BCO1: variants seen among roughly 807,000 people sequenced by gnomAD.
The protein encoded by BCO1 is beta-carotene oxygenase 1.
BCO1 carries 54 observed loss-of-function variants against 56.3 expected under a neutral mutation model. The observed-to-expected ratio is 0.96, with a 90% CI of 0.77 to 1.20. The LOEUF (loss-of-function observed/expected upper bound fraction) is 1.20, where lower values mean the gene tolerates loss of function less well. Among genes scored for constraint, BCO1 ranks in the 50% most tolerant of loss-of-function variants. The probability of loss-of-function intolerance (pLI) is 0.00; values close to 1 mark genes in which losing one functional copy is unlikely to be tolerated. For synonymous variants in BCO1, 318 were observed against 266.1 expected (o/e 1.20, Z -1.90); for missense variants, 801 against 690.9 (o/e 1.16, Z -1.79).
chr16:81,268,988 A>G (rs1338780726), intron 6 of BCO1, among the ~76,000 whole-genome samples: 4 of 150,738 alleles, frequency 2.7e-5, no homozygotes, highest in Non-Finnish European at 4.4e-5. Context: ...GCTAGCCTCA[A>G]ACTCTGGACT....
chr16:81,267,932 C>G lies in BCO1; in HGVS notation c.644C>G (p.Pro215Arg). ...VPEGKKQGKS[P>R]WKHTEVFCSI... The stretch of plus-strand genomic sequence containing the variant: ...GAGGGCAAGAAGCAGGGGAAGAGCC[C>G]CTGGAAGCACACAGAGGTGTTCTGC... Residue 215 changes from proline to arginine, a missense_variant, in exon 6 of 11, where the codon CCC (proline) becomes CGC (arginine). Coordinates refer to ENST00000258168, the MANE Select transcript of BCO1 (RefSeq NM_017429.3). The G allele has an allele frequency of 1.2e-6, 2 of 1,613,762 alleles. No individual in the cohort carries two copies. Among genetic ancestry groups the G allele is most frequent in the African/African-American group, 1.3e-5 (1 of 74,950 alleles).
At chr16:81,269,981 C>G (rs1310967726) in intron 6 of BCO1, among the ~76,000 whole-genome samples, 178 bp from the exon 7 acceptor site, 1 of 152,184 alleles carries the variant, frequency 6.6e-6, no homozygotes, top group African/African-American at 2.4e-5. Context: ...CAATAAACAG[C>G]TCTCATTTTG....
intron 4 of BCO1, 109 bp from the exon 5 acceptor site, chr16:81,264,531 C>A: frequency 3.0e-6 from 4 of 1,316,338 alleles, no homozygotes; most frequent in Non-Finnish European, 4.4e-6. Flanking sequence ...GAATCAGTCA[C>A]GTTTTCATAG....
intron 1 of BCO1, among the ~76,000 whole-genome samples, chr16:81,243,355 C>T (rs1905223707): frequency 6.6e-6 from 1 of 152,124 alleles, no homozygotes; most frequent in African/African-American, 2.4e-5. Flanking sequence ...ACCTTTGTCC[C>T]CTGGCCCCCG....
At chr16:81,285,319 ACCTTG>A (rs1908114318) in intron 8 of BCO1, among the ~76,000 whole-genome samples, 1 of 152,226 alleles carries the variant, frequency 6.6e-6, no homozygotes, top group Non-Finnish European at 1.5e-5. Flanking sequence ...GGTCTGGAGT[ACCTTG>A]CTCCTGGACT....
intron 2 of BCO1, among the ~76,000 whole-genome samples, chr16:81,251,881 T>TGTGTGTGTGTGC (rs1486164837): frequency 6.6e-6 from 1 of 150,444 alleles, no homozygotes; most frequent in African/African-American, 2.5e-5. Context: ...TATATGTGTG[T>TGTGTGTGTGTGC]GTGTGTGTGT....
intron 4 of BCO1, 29 bp from the exon 5 acceptor site, chr16:81,264,611 T>A: frequency 1.9e-6 from 3 of 1,612,812 alleles, no homozygotes; most frequent in Non-Finnish European, 2.5e-6. Flanking sequence ...GTAAATACTT[T>A]AAAAAACAGG....
chr16:81,247,365 AT>A (rs1482782052), intron 2 of BCO1, among the ~76,000 whole-genome samples: 1 of 152,104 alleles, frequency 6.6e-6, no homozygotes, highest in East Asian at 1.9e-4. Context: ...TGCTTAAGAG[AT>A]TAAAAATCAC....
At chr16:81,265,819 C>T (rs1476992305) in intron 5 of BCO1, among the ~76,000 whole-genome samples, 2 of 98,522 alleles carry the variant, frequency 2.0e-5, no homozygotes, top group African/African-American at 4.3e-5. Flanking sequence ...CCTGCCCATC[C>T]ATCCATCATT....
chr16:81,257,212 C>T (rs949698316), intron 2 of BCO1, among the ~76,000 whole-genome samples: 5 of 152,230 alleles, frequency 3.3e-5, no homozygotes, highest in Non-Finnish European at 5.9e-5. Context: ...CTCCTCTCAC[C>T]CCTGCCCCAG....
At chr16:81,242,537 C>G (rs1257889723) in intron 1 of BCO1, among the ~76,000 whole-genome samples, 2 of 152,110 alleles carry the variant, frequency 1.3e-5, no homozygotes, top group Non-Finnish European at 2.9e-5. Flanking sequence ...GCACATCCCC[C>G]TGTATTTAGT....
intron 7 of BCO1, among the ~76,000 whole-genome samples, chr16:81,278,479 G>A (rs1398088915): frequency 6.6e-6 from 1 of 152,184 alleles, no homozygotes; most frequent in Non-Finnish European, 1.5e-5. Flanking sequence ...ATTGAGTTGT[G>A]CATTCACTCA....
chr16:81,268,465 C>T (rs1388955369), intron 6 of BCO1, among the ~76,000 whole-genome samples: 1 of 152,188 alleles, frequency 6.6e-6, no homozygotes, highest in Non-Finnish European at 1.5e-5. Context: ...CTCCTCCCCA[C>T]CTCCGCCCTG....
chr16:81,270,436 T>TCC lies in BCO1; in HGVS notation c.1101+22_1101+23dup. On this transcript the variant is annotated intron_variant, in intron 7 of 10. Transcript: ENST00000258168. ...GACAAGGTAATGGCTTCCAAGGAGG[T>TCC]CCCTTTTCTTTCTAGAGAGATATCG... 6.2e-7 allele frequency: 1 copy of TCC among 1,613,340 alleles called. No homozygotes were observed. The highest frequency in any genetic ancestry group is 1.3e-5 in the African/African-American group (1 of 74,810).
At chr16:81,274,465 C>T (rs1033551682) in intron 7 of BCO1, among the ~76,000 whole-genome samples, 6 of 152,016 alleles carry the variant, frequency 3.9e-5, no homozygotes, top group Non-Finnish European at 7.4e-5. Flanking sequence ...GGGGTTTCAC[C>T]GTATTAGCCA....
At chr16:81,287,139 TGCTCACCAGA>T (rs1908228750) in intron 9 of BCO1, among the ~76,000 whole-genome samples, 146 bp from the exon 10 acceptor site, 6 of 152,198 alleles carry the variant, frequency 3.9e-5, no homozygotes, top group Admixed American at 3.9e-4. Context: ...TTCTTGGCTG[TGCTCACCAGA>T]GGTAGCTGTC....
intron 5 of BCO1, among the ~76,000 whole-genome samples, chr16:81,265,584 CCCAT>C (rs1453794587): frequency 6.9e-6 from 1 of 145,542 alleles, no homozygotes; most frequent in Non-Finnish European, 1.5e-5. Context: ...TTCCCACCCA[CCCAT>C]CCATCCATCA....
intron 1 of BCO1, among the ~76,000 whole-genome samples, chr16:81,245,035 C>T (rs913594948): frequency 3.9e-5 from 6 of 152,120 alleles, no homozygotes; most frequent in South Asian, 4.2e-4. Flanking sequence ...GGATTACAGG[C>T]GCTCACTATG....
In BCO1 at chr16:81,238,843, A is replaced by G. The variant is rs1904976854; in HGVS notation, c.-66A>G. On this transcript the variant is annotated 5_prime_UTR_variant, in exon 1 of 11. Coordinates refer to ENST00000258168, the MANE Select transcript of BCO1 (RefSeq NM_017429.3). Reference sequence around the variant, plus strand: ...AGGAAACGCAGGAGGAGGGAGCAGCATCTCCTGTGAACACAGAGGAGCACC... The same window carrying G: ...AGGAAACGCAGGAGGAGGGAGCAGCGTCTCCTGTGAACACAGAGGAGCACC... 7.3e-7 allele frequency: 1 copy of G among 1,376,328 alleles called. No homozygotes were observed. The highest frequency in any genetic ancestry group is 1.0e-6 in the Non-Finnish European group (1 of 963,566). The allele number at this position is 1,376,328 out of a possible 1,614,324, so 85.3% of individuals were successfully genotyped here.
Sources: allele counts gnomAD v4.1 joint callset (sites outside exome capture counted in the v4.1 genomes callset), GRCh38; gene constraint gnomAD v4.1.1; transcripts MANE v1.5; gene names NCBI Gene and HGNC (gene_info 2026-07-23, HGNC 2026-07-21).